PACRG: variants seen among roughly 807,000 people sequenced by gnomAD.
PACRG encodes parkin coregulated.
A neutral mutation model predicts 29.7 loss-of-function variants in PACRG; 29 were observed. That is an observed-to-expected ratio of 0.98 (90% confidence interval 0.73 to 1.33). PACRG has a LOEUF of 1.33. PACRG is among the 40% of genes most tolerant of loss of function. The pLI, the probability that PACRG is intolerant of heterozygous loss-of-function variation, is 0.00. For missense variants in PACRG, 279 were observed against 316.2 expected (o/e 0.88, Z 0.89); for synonymous variants, 116 against 118.7 (o/e 0.98, Z 0.15).
intron 4 of PACRG, chr6:163,101,551 T>C (rs1236281624): frequency 1.0e-5 from 4 of 390,244 alleles, no homozygotes; most frequent in Non-Finnish European, 1.4e-5. Flanking sequence ...GATAATGATA[T>C]TCAAAGAGAA....
At chr6:163,201,882 G>A (rs1408996409) in intron 4 of PACRG, among the ~76,000 whole-genome samples, 1 of 152,244 alleles carries the variant, frequency 6.6e-6, no homozygotes, top group Non-Finnish European at 1.5e-5. Flanking sequence ...TAATGGGGGA[G>A]AGAGACCTGC....
intron 1 of PACRG, among the ~76,000 whole-genome samples, chr6:162,776,307 T>G (rs1042932088): frequency 6.6e-6 from 1 of 152,210 alleles, no homozygotes; most frequent in Admixed American, 6.5e-5. Flanking sequence ...TCACAACTTA[T>G]TATTGCTGTT....
At position 162,931,413 on chromosome 6, in the gene PACRG, A is replaced by G. The variant is rs140687927; in HGVS notation, c.291+117132A>G. ...AAAATTTGCCTAACCCAAGGTCACAAAATTTTTTCCTAGGTTTTCTTCTAG... is the reference window on the plus strand; with the variant it reads ...AAAATTTGCCTAACCCAAGGTCACAGAATTTTTTCCTAGGTTTTCTTCTAG... On this transcript the variant is annotated intron_variant, in intron 2 of 4. Transcript: ENST00000366888. 4.2e-3 allele frequency among the ~76,000 whole-genome samples: 636 copies of G among 152,016 alleles called. 2 individuals are homozygous for G. The highest frequency in any genetic ancestry group is 0.014 in the East Asian group (75 of 5,174).
intron 2 of PACRG, among the ~76,000 whole-genome samples, chr6:162,868,504 T>C (rs999095462): frequency 7.9e-5 from 12 of 152,180 alleles, no homozygotes; most frequent in Non-Finnish European, 1.5e-4. Flanking sequence ...TCGTTCCCCC[T>C]TGGGAGTTGT....
chr6:162,803,849 A>T (rs1488605136), intron 1 of PACRG, among the ~76,000 whole-genome samples: 1 of 152,156 alleles, frequency 6.6e-6, no homozygotes, highest in African/African-American at 2.4e-5. Context: ...TATACAAAAA[A>T]TTTACCTCAT....
chr6:162,894,671 G>A (rs1458973430), intron 2 of PACRG, among the ~76,000 whole-genome samples: 2 of 152,164 alleles, frequency 1.3e-5, no homozygotes, highest in African/African-American at 4.8e-5. Flanking sequence ...TAAAAAAATG[G>A]TAGAGCCTCT....
intron 2 of PACRG, among the ~76,000 whole-genome samples, chr6:162,839,613 C>T (rs9458652): frequency 0.021 from 3,212 of 152,088 alleles, 77 homozygotes; most frequent in Middle Eastern, 0.041. Flanking sequence ...TCCCATTTGT[C>T]AATTTTGTCT....
intron 4 of PACRG, among the ~76,000 whole-genome samples, chr6:163,128,489 T>G (rs1178924892): frequency 6.6e-6 from 1 of 152,242 alleles, no homozygotes; most frequent in Non-Finnish European, 1.5e-5. Flanking sequence ...CCTTTGTCAT[T>G]TCTCTTGTCT....
chr6:163,192,895 T>A (rs946155341), intron 4 of PACRG, among the ~76,000 whole-genome samples: 5 of 152,174 alleles, frequency 3.3e-5, no homozygotes, highest in Non-Finnish European at 7.4e-5. Flanking sequence ...CTTAAAAAGA[T>A]CTGACACACT....
chr6:162,875,872 G>T (rs905992554), intron 2 of PACRG, among the ~76,000 whole-genome samples: 18 of 152,302 alleles, frequency 1.2e-4, no homozygotes, highest in African/African-American at 3.8e-4. Flanking sequence ...TGACCATTCA[G>T]TCTTGGAAAT....
chr6:163,062,136 T>C lies in PACRG; in HGVS notation c.292-14T>C. ...GCTGTTTTCACATGGCGTCTCTTCT[T>C]TCTTTACTTTCAGGTAGAAATTGAG... On this transcript the variant is annotated splice_polypyrimidine_tract_variant and intron_variant, in intron 2 of 4. Coordinates refer to ENST00000366888, the MANE Select transcript of PACRG (RefSeq NM_001080379.2). The C allele has an allele frequency of 6.2e-7, 1 of 1,613,006 alleles. No homozygotes were observed. The highest frequency in any genetic ancestry group is 8.5e-7 in the Non-Finnish European group (1 of 1,179,506).
At chr6:163,036,000 C>T (rs1337781276) in intron 2 of PACRG, among the ~76,000 whole-genome samples, 1 of 152,086 alleles carries the variant, frequency 6.6e-6, no homozygotes, top group Non-Finnish European at 1.5e-5. Flanking sequence ...TTTCTACTCT[C>T]ATCGATGATT....
chr6:163,254,199 A>G lies in PACRG; in HGVS notation c.614-60628A>G, dbSNP rs142826279. On this transcript the variant is annotated intron_variant, in intron 4 of 4. Coordinates refer to ENST00000366888, the MANE Select transcript of PACRG (RefSeq NM_001080379.2). ...CATCATGTAATATGTCTGATCTTAA[A>G]ACTGACATCTGATTTTTTAAGGCAG... 4.8e-3 allele frequency among the ~76,000 whole-genome samples: 738 copies of G among 152,300 alleles called. 5 individuals are homozygous for G. The highest frequency in any genetic ancestry group is 0.017 in the African/African-American group (713 of 41,558).
chr6:163,230,250 C>T (rs889837525), intron 4 of PACRG, among the ~76,000 whole-genome samples: 2 of 152,310 alleles, frequency 1.3e-5, no homozygotes, highest in African/African-American at 2.4e-5. Flanking sequence ...TTAATCTCTT[C>T]ATTGTAGCAC....
chr6:162,969,255 C>G (rs4541724), intron 2 of PACRG, among the ~76,000 whole-genome samples: 102,363 of 151,892 alleles, frequency 0.67, 34,668 homozygotes, highest in East Asian at 0.79. Flanking sequence ...GACAGAAAAC[C>G]GAGAGTTACT....
intron 2 of PACRG, among the ~76,000 whole-genome samples, chr6:162,988,607 A>C (rs1042767505): frequency 6.6e-6 from 1 of 152,196 alleles, no homozygotes; most frequent in Non-Finnish European, 1.5e-5. Context: ...GGTAAATTTT[A>C]AAATGTTCAT....
At chr6:163,227,939 C>T (rs1319801217) in intron 4 of PACRG, among the ~76,000 whole-genome samples, 1 of 152,142 alleles carries the variant, frequency 6.6e-6, no homozygotes, top group African/African-American at 2.4e-5. Context: ...AGAAAAACAG[C>T]ACACTAATGA....
chr6:163,029,648 T>C (rs904693727), intron 2 of PACRG, among the ~76,000 whole-genome samples: 6 of 152,220 alleles, frequency 3.9e-5, no homozygotes, highest in African/African-American at 1.4e-4. Flanking sequence ...AAGGAAAGTT[T>C]CGTCCCTTTT....
chr6:163,068,482 CT>C lies in PACRG; in HGVS notation c.463+6174del, dbSNP rs1554350061. On this transcript the variant is annotated intron_variant, in intron 3 of 4. Transcript: ENST00000366888. ...AATTTTATGTGGATATACTTTAATG[CT>C]TTTTTTTTTTTTATCAATTTTCCCA... Among the ~76,000 whole-genome samples the C allele has an allele frequency of 4.2e-3, 563 of 132,610 alleles. 2 individuals are homozygous for C. The highest frequency in any genetic ancestry group is 0.022 in the East Asian group (63 of 2,866). 87.0% of individuals were successfully genotyped at this position (132,610 alleles called of 152,430 possible).
Sources: allele counts gnomAD v4.1 joint callset (sites outside exome capture counted in the v4.1 genomes callset), GRCh38; gene constraint gnomAD v4.1.1; transcripts MANE v1.5; gene names NCBI Gene and HGNC (gene_info 2026-07-23, HGNC 2026-07-21).